Variants in NKAIN2 observed in about 807,000 individuals in gnomAD.
NKAIN2 encodes sodium/potassium transporting ATPase interacting 2.
Under a neutral mutation model 32.6 loss-of-function variants are expected in NKAIN2, and 14 were observed. That is an observed-to-expected ratio of 0.43 (90% confidence interval 0.28 to 0.67). The LOEUF is 0.67. Ranked by LOEUF, NKAIN2 falls within the 30% of genes least tolerant of loss-of-function variation. The pLI is 0.17. For missense variants in NKAIN2, 198 were observed against 258.3 expected (o/e 0.77, Z 1.60); for synonymous variants, 80 against 87.2 (o/e 0.92, Z 0.46).
chr6:124,612,251 A>C (rs1241322350), intron 3 of NKAIN2, among the ~76,000 whole-genome samples: 1 of 151,994 alleles, frequency 6.6e-6, no homozygotes, highest in Non-Finnish European at 1.5e-5. Flanking sequence ...TAGGGGGAAA[A>C]AAAAATAAAA....
chr6:124,184,035 G>T (rs760854889), intron 1 of NKAIN2, among the ~76,000 whole-genome samples: 3 of 152,124 alleles, frequency 2.0e-5, no homozygotes, highest in Non-Finnish European at 4.4e-5. Flanking sequence ...TCAGCAGACA[G>T]TAAGAAATGG....
chr6:124,163,427 T>A (rs1788375631), intron 1 of NKAIN2, among the ~76,000 whole-genome samples: 1 of 152,016 alleles, frequency 6.6e-6, no homozygotes, highest in Non-Finnish European at 1.5e-5. Context: ...CTATACAATA[T>A]TTTTATTATA....
At chr6:124,028,744 T>A (rs970287620) in intron 1 of NKAIN2, among the ~76,000 whole-genome samples, 1 of 147,624 alleles carries the variant, frequency 6.8e-6, no homozygotes, top group African/African-American at 2.5e-5. Context: ...CACGTATATA[T>A]GTGTATATAT....
At chr6:124,742,039 C>T (rs1478599401) in intron 4 of NKAIN2, among the ~76,000 whole-genome samples, 1 of 151,806 alleles carries the variant, frequency 6.6e-6, no homozygotes, top group Admixed American at 6.6e-5. Flanking sequence ...CCTCCATCAA[C>T]TCTATGTTTC....
At chr6:124,314,071 T>A (rs1796835434) in intron 2 of NKAIN2, among the ~76,000 whole-genome samples, 1 of 152,016 alleles carries the variant, frequency 6.6e-6, no homozygotes, top group Admixed American at 6.6e-5. Flanking sequence ...CAGGCCAGAA[T>A]GGGAGGGCTA....
At chr6:124,126,940 C>T (rs1189550345) in intron 1 of NKAIN2, among the ~76,000 whole-genome samples, 1 of 151,982 alleles carries the variant, frequency 6.6e-6, no homozygotes, top group Non-Finnish European at 1.5e-5. Flanking sequence ...CAGAATGAGA[C>T]CCTGTCTCAA....
rs77186942 is a variant in NKAIN2, at chr6:124,090,583, T to A, written c.55-192422T>A. Among the ~76,000 whole-genome samples the A allele has an allele frequency of 3.0e-3, 457 of 152,168 alleles. 14 individuals carry two copies. The East Asian group carries it at 0.049, about 16-fold the overall frequency. Reference sequence around the variant, plus strand: ...AGCAAGGCTTGCAAGTCAGCAGACATCTTCTAAAACCTAACCTTTGTTGTA... The same window carrying A: ...AGCAAGGCTTGCAAGTCAGCAGACAACTTCTAAAACCTAACCTTTGTTGTA... On this transcript the variant is annotated intron_variant, in intron 1 of 6. Coordinates refer to ENST00000368417, the MANE Select transcript of NKAIN2 (RefSeq NM_001040214.3).
At chr6:124,758,387 C>T (rs1446318630) in intron 4 of NKAIN2, among the ~76,000 whole-genome samples, 3 of 152,102 alleles carry the variant, frequency 2.0e-5, no homozygotes, top group Non-Finnish European at 4.4e-5. Flanking sequence ...CCTGTGAGGG[C>T]ACAGAGAGAA....
chr6:123,895,595 A>G (rs1363448860), intron 1 of NKAIN2, among the ~76,000 whole-genome samples: 1 of 152,182 alleles, frequency 6.6e-6, no homozygotes, highest in African/African-American at 2.4e-5. Context: ...GGAACATGAA[A>G]TGTGGATGCT....
intron 4 of NKAIN2, among the ~76,000 whole-genome samples, chr6:124,752,643 G>A (rs1396843096): frequency 6.6e-6 from 1 of 151,788 alleles, no homozygotes; most frequent in Non-Finnish European, 1.5e-5. Flanking sequence ...ACAATTATCT[G>A]GTTATTATTT....
At chr6:124,606,417 T>C (rs1782500413) in intron 3 of NKAIN2, among the ~76,000 whole-genome samples, 1 of 152,064 alleles carries the variant, frequency 6.6e-6, no homozygotes, top group Non-Finnish European at 1.5e-5. Context: ...ATTGCACTTA[T>C]TTAGTAATAT....
chr6:123,867,044 C>T (rs1772561848), intron 1 of NKAIN2, among the ~76,000 whole-genome samples: 1 of 152,068 alleles, frequency 6.6e-6, no homozygotes, highest in African/African-American at 2.4e-5. Flanking sequence ...TCCTTCTGAC[C>T]TCCACTATTA....
At chr6:123,828,476 G>A (rs1193828393) in intron 1 of NKAIN2, among the ~76,000 whole-genome samples, 1 of 152,140 alleles carries the variant, frequency 6.6e-6, no homozygotes, top group Non-Finnish European at 1.5e-5. Context: ...TGAAAATAAT[G>A]TTATGTTGGC....
At chr6:124,001,687 G>A (rs1203993607) in intron 1 of NKAIN2, among the ~76,000 whole-genome samples, 2 of 151,058 alleles carry the variant, frequency 1.3e-5, no homozygotes, top group East Asian at 3.9e-4. Context: ...TTAAATAATT[G>A]TTTTGTTTAG....
intron 1 of NKAIN2, among the ~76,000 whole-genome samples, chr6:123,976,330 CAT>C (rs1226961918): frequency 1.2e-4 from 4 of 34,664 alleles, no homozygotes; most frequent in South Asian, 1.7e-3. Flanking sequence ...TATATGTTCC[CAT>C]ATATATATAT....
chr6:123,905,098 G>A (rs1774797407), intron 1 of NKAIN2, among the ~76,000 whole-genome samples: 1 of 152,090 alleles, frequency 6.6e-6, no homozygotes, highest in Admixed American at 6.5e-5. Flanking sequence ...GTTGGGTTTT[G>A]TCAAGAATGT....
At chr6:124,130,256 C>G (rs1187081501) in intron 1 of NKAIN2, among the ~76,000 whole-genome samples, 2 of 152,122 alleles carry the variant, frequency 1.3e-5, no homozygotes, top group Non-Finnish European at 2.9e-5. Context: ...GAGATCTGCT[C>G]CACAGGGTAT....
chr6:124,218,430 C>T (rs750506800), intron 1 of NKAIN2, among the ~76,000 whole-genome samples: 1 of 152,050 alleles, frequency 6.6e-6, no homozygotes, highest in Non-Finnish European at 1.5e-5. Flanking sequence ...ATAAATGACA[C>T]TTTTCAACAT....
chr6:123,885,960 A>G (rs1220142080), intron 1 of NKAIN2, among the ~76,000 whole-genome samples: 4 of 151,246 alleles, frequency 2.6e-5, no homozygotes, highest in African/African-American at 7.3e-5. Context: ...AGAAAAAAAA[A>G]AAAAGAACAA....
Sources: allele counts gnomAD v4.1 joint callset (sites outside exome capture counted in the v4.1 genomes callset), GRCh38; gene constraint gnomAD v4.1.1; transcripts MANE v1.5; gene names NCBI Gene and HGNC (gene_info 2026-07-23, HGNC 2026-07-21).